NINL: variants seen among roughly 807,000 people sequenced by gnomAD.
NINL encodes the protein ninein-like protein.
Under a neutral mutation model 160.3 loss-of-function variants are expected in NINL, and 153 were observed. The observed-to-expected ratio is 0.95, with a 90% CI of 0.84 to 1.09. NINL has a LOEUF of 1.09. NINL is among the 50% of genes least tolerant of loss of function. NINL has a pLI of 0.00. For missense variants in NINL, 1,829 were observed against 1,764.0 expected, an observed-to-expected ratio of 1.04 and a Z score of -0.66; for synonymous variants, 800 against 734.8, an observed-to-expected ratio of 1.09 and a Z score of -1.43.
intron 1 of NINL, among the ~76,000 whole-genome samples, chr20:25,562,012 C>T (rs1239789563): frequency 2.0e-5 from 3 of 148,188 alleles, no homozygotes; most frequent in African/African-American, 5.0e-5. Flanking sequence ...TCTGCCCGGC[C>T]GCCCCTACTG....
chr20:25,535,243 G>C (rs1381061385), intron 1 of NINL, among the ~76,000 whole-genome samples: 3 of 152,214 alleles, frequency 2.0e-5, no homozygotes, highest in Non-Finnish European at 2.9e-5. Context: ...CGAGTGAACA[G>C]AAGTGGCCAG....
intron 1 of NINL, among the ~76,000 whole-genome samples, chr20:25,573,139 A>G (rs2065073363): frequency 6.6e-6 from 1 of 152,096 alleles, no homozygotes; most frequent in South Asian, 2.1e-4. Flanking sequence ...TCTACTAAAA[A>G]TACAAAAATT....
intron 1 of NINL, among the ~76,000 whole-genome samples, chr20:25,546,423 T>C (rs1259610875): frequency 1.3e-5 from 2 of 152,074 alleles, no homozygotes; most frequent in Non-Finnish European, 2.9e-5. Flanking sequence ...AGTTAGAAGG[T>C]ACTCAGAACC....
chr20:25,578,520 G>A (rs1359369851), intron 1 of NINL, among the ~76,000 whole-genome samples: 3 of 152,038 alleles, frequency 2.0e-5, no homozygotes, highest in Admixed American at 1.3e-4. Context: ...TTAGCTGGGC[G>A]CAGTGGTTCA....
intron 19 of NINL, among the ~76,000 whole-genome samples, chr20:25,465,940 C>T (rs1031719415): frequency 1.3e-5 from 2 of 152,102 alleles, no homozygotes; most frequent in Non-Finnish European, 2.9e-5. Flanking sequence ...TTCAGTGTGG[C>T]GAGGCGGGAG....
At chr20:25,470,678 A>G (rs868126633) in intron 17 of NINL, among the ~76,000 whole-genome samples, 4 of 152,190 alleles carry the variant, frequency 2.6e-5, no homozygotes, top group Admixed American at 2.0e-4. Context: ...TTGATAGATG[A>G]AGATGGCAAT....
rs6115205 is a variant in NINL at position 25,531,594 on chromosome 20, C to T, written c.-11-4996G>A. On this transcript the variant is annotated intron_variant, in intron 1 of 23. Transcript: ENST00000278886. ...CCACCATGACTTCAGCCGGTCCCTC[C>T]GTTTGGGGTCCCTGACTTCCCGCAA... 5.9e-3 allele frequency among the ~76,000 whole-genome samples: 906 copies of T among 152,322 alleles called. 13 individuals carry two copies. Among genetic ancestry groups the T allele is most frequent in the East Asian group, 0.033 (170 of 5,178 alleles).
intron 1 of NINL, among the ~76,000 whole-genome samples, chr20:25,545,281 G>A (rs1318072705): frequency 6.6e-6 from 1 of 152,198 alleles, no homozygotes; most frequent in African/African-American, 2.4e-5. Context: ...GGAGGAGTCA[G>A]TTCCACAGAC....
chr20:25,576,598 A>G (rs2065118157), intron 1 of NINL, among the ~76,000 whole-genome samples: 2 of 152,040 alleles, frequency 1.3e-5, no homozygotes, highest in South Asian at 4.1e-4. Context: ...AGCTTGAACC[A>G]CAGGCACATG....
rs1388254705 is a variant in NINL at position 25,478,940 on chromosome 20, G to T, written c.2184C>A (p.Ser728Arg). Residue 728 changes from serine (S) to arginine (R), a missense_variant, in exon 16 of 24, where the codon AGC (serine) becomes AGA (arginine). Coordinates refer to ENST00000278886, the MANE Select transcript of NINL (RefSeq NM_025176.6). Reference protein sequence around the residue: ...ALCGLALRHHSHLQQIRREAE... With the variant: ...ALCGLALRHHRHLQQIRREAE... Reference sequence around the variant, plus strand: ...GGCTGGACCTGATCTGCTGCAGGTGGCTGTGATGCCGCAGGGCCAGGCCAC... The same window carrying T: ...GGCTGGACCTGATCTGCTGCAGGTGTCTGTGATGCCGCAGGGCCAGGCCAC... 6.4e-7 allele frequency: 1 copy of T among 1,553,666 alleles called. No homozygotes were observed. The highest frequency in any genetic ancestry group is 1.2e-5 in the South Asian group (1 of 86,584).
chr20:25,536,823 C>T (rs1284783811), intron 1 of NINL, among the ~76,000 whole-genome samples: 3 of 152,084 alleles, frequency 2.0e-5, no homozygotes, highest in African/African-American at 7.2e-5. Flanking sequence ...ATTGGTTCTG[C>T]AGTGGACAAT....
chr20:25,509,572 C>T, intron 5 of NINL: 1 of 441,750 alleles, frequency 2.3e-6, no homozygotes, highest in Admixed American at 2.5e-5. Flanking sequence ...CAGATTATGC[C>T]AAGCCTGCTG....
chr20:25,561,660 A>G (rs1411562727), intron 1 of NINL, among the ~76,000 whole-genome samples: 5 of 147,458 alleles, frequency 3.4e-5, no homozygotes, highest in Admixed American at 2.7e-4. Flanking sequence ...ATCGTCTGAG[A>G]TGTGGGGAGC....
intron 1 of NINL, among the ~76,000 whole-genome samples, chr20:25,560,565 C>T (rs1386398903): frequency 6.6e-6 from 1 of 152,190 alleles, no homozygotes; most frequent in Non-Finnish European, 1.5e-5. Flanking sequence ...AGCCAGTAAT[C>T]TGCTCACTCT....
chr20:25,482,039 G>C lies in NINL; in HGVS notation c.1739C>G (p.Pro580Arg). Residue 580 changes from proline (P) to arginine (R), a missense_variant, in exon 14 of 24, where the codon CCC (proline) becomes CGC (arginine). Physicochemically the swap from Pro to Arg is moderately radical, Grantham distance 103 (BLOSUM62 -2). Transcript: ENST00000278886. ...AELEGLWARL[P>R]KNRHSPSWSP... ...CCATGAGGGGCTGTGCCGGTTCTTGGGCAGCCGCGCCCACAGGCCTTCCAG... is the reference window on the plus strand; with the variant it reads ...CCATGAGGGGCTGTGCCGGTTCTTGCGCAGCCGCGCCCACAGGCCTTCCAG... The C allele has an allele frequency of 1.3e-6, 2 of 1,598,622 alleles. No homozygotes were observed. Among genetic ancestry groups the C allele is most frequent in the Non-Finnish European group, 1.7e-6 (2 of 1,179,796 alleles).
chr20:25,573,587 G>T (rs1219350385), intron 1 of NINL, among the ~76,000 whole-genome samples: 4 of 152,142 alleles, frequency 2.6e-5, no homozygotes, highest in African/African-American at 9.7e-5. Flanking sequence ...CAATTCAAAG[G>T]CCCTAAAAGA....
At chr20:25,473,055 G>T (rs895815832) in intron 17 of NINL, among the ~76,000 whole-genome samples, 3 of 152,152 alleles carry the variant, frequency 2.0e-5, no homozygotes, top group African/African-American at 7.2e-5. Context: ...ATGAACTACA[G>T]CAACAACACA....
At chr20:25,490,010 A>C in intron 11 of NINL, 25 bp from the exon 12 acceptor site, 1 of 1,591,092 alleles carries the variant, frequency 6.3e-7, no homozygotes, top group East Asian at 2.2e-5. Context: ...CCAGTGGCTC[A>C]TCAGGCTCCT....
At chr20:25,553,120 T>C (rs1224800030) in intron 1 of NINL, among the ~76,000 whole-genome samples, 1 of 148,808 alleles carries the variant, frequency 6.7e-6, no homozygotes, top group African/African-American at 2.5e-5. Context: ...TTTTTTTTTT[T>C]TGGAGATGGG....
Sources: gnomAD v4.1 joint callset for allele counts (sites outside exome capture counted in the v4.1 genomes callset) on GRCh38, gnomAD v4.1.1 for gene constraint, MANE v1.5 for transcripts, NCBI Gene and HGNC (gene_info 2026-07-23, HGNC 2026-07-21) for gene names.